APP: variants seen among roughly 807,000 people sequenced by gnomAD.
APP encodes the protein amyloid-beta precursor protein.
A neutral mutation model predicts 101.4 loss-of-function variants in APP; 31 were observed. That is an observed-to-expected ratio of 0.31 (90% confidence interval 0.23 to 0.41). The LOEUF is 0.41. Ranked by LOEUF, APP falls within the 10% of genes least tolerant of loss-of-function variation. The pLI is 1.00. For synonymous variants in APP, 366 were observed against 364.4 expected (o/e 1.00, Z -0.05); for missense variants, 839 against 1,003.7 (o/e 0.84, Z 2.22).
At chr21:26,015,657 C>A (rs2830004) in intron 6 of APP, among the ~76,000 whole-genome samples, 28,470 of 152,030 alleles carry the variant, frequency 0.19, 2,955 homozygotes, top group South Asian at 0.27. Flanking sequence ...CATAAAAATT[C>A]TCTCAAACAC....
chr21:26,152,314 A>G (rs2063295019), intron 1 of APP, among the ~76,000 whole-genome samples: 1 of 148,942 alleles, frequency 6.7e-6, no homozygotes, highest in Non-Finnish European at 1.5e-5. Context: ...AAAATGGGCC[A>G]AGGATCTGAA....
intron 1 of APP, among the ~76,000 whole-genome samples, chr21:26,136,169 A>AAAAGAAAGAAAGAAAGAAAGAAAG (rs138676290): frequency 3.3e-4 from 30 of 92,010 alleles, no homozygotes; most frequent in African/African-American, 1.5e-3. Context: ...GAAAAGAAAG[A>AAAAGAAAGAAAGAAAGAAAGAAAG]AAAGAAAGAA....
intron 17 of APP, among the ~76,000 whole-genome samples, chr21:25,882,283 C>G (rs940712571): frequency 6.6e-6 from 1 of 150,816 alleles, no homozygotes; most frequent in Non-Finnish European, 1.5e-5. Flanking sequence ...CCATTTCTAT[C>G]AAATTTTATG....
chr21:26,003,755 C>T (rs952423147), intron 6 of APP, among the ~76,000 whole-genome samples: 7 of 152,138 alleles, frequency 4.6e-5, no homozygotes, highest in African/African-American at 1.4e-4. Flanking sequence ...AAGAGCTTCT[C>T]GTTATAATTC....
At chr21:25,886,821 C>T (rs928835216) in intron 17 of APP, among the ~76,000 whole-genome samples, 1 of 152,182 alleles carries the variant, frequency 6.6e-6, no homozygotes, top group Non-Finnish European at 1.5e-5. Flanking sequence ...AACCTGACCA[C>T]TCTCTCCAAC....
chr21:26,111,087 T>TAAAAAAAAAAAA (rs576900084), intron 2 of APP, among the ~76,000 whole-genome samples: 1 of 88,480 alleles, frequency 1.1e-5, no homozygotes, highest in Admixed American at 1.2e-4. Context: ...AAAGTTAAGT[T>TAAAAAAAAAAAA]AAAAAAAAAA....
At chr21:26,012,790 G>A (rs775641495) in intron 6 of APP, among the ~76,000 whole-genome samples, 15 of 150,658 alleles carry the variant, frequency 1.0e-4, no homozygotes, top group Non-Finnish European at 1.6e-4. Flanking sequence ...TCTGGCCAAC[G>A]TGGTGAAACC....
At chr21:26,111,074 T>C (rs1383767725) in intron 2 of APP, among the ~76,000 whole-genome samples, 1 of 82,670 alleles carries the variant, frequency 1.2e-5, no homozygotes, top group Non-Finnish European at 2.3e-5. Context: ...ATTTCCAGGA[T>C]ACAAAGTTAA....
intron 11 of APP, among the ~76,000 whole-genome samples, chr21:25,974,152 C>A (rs1262226664): frequency 1.3e-5 from 2 of 152,046 alleles, no homozygotes; most frequent in Non-Finnish European, 2.9e-5. Context: ...AATGCTTCCC[C>A]ACAGAGAATA....
In APP at chr21:25,880,807, T is replaced by G. The variant is rs201611727; in HGVS notation, c.*863A>C. ...TTCAAAGAAAAGTCTTGCCCGGGGT[T>G]ATTTTATTTAATTTATTTATGTAAT... On this transcript the variant is annotated 3_prime_UTR_variant, in exon 18 of 18. Transcript: ENST00000346798. The G allele has an allele frequency of 6.6e-6, 1 of 152,442 alleles. No individual in the cohort carries two copies. Among genetic ancestry groups the G allele is most frequent in the Non-Finnish European group, 1.5e-5 (1 of 68,046 alleles). 9.4% of individuals were successfully genotyped at this position (152,442 alleles called of 1,614,324 possible).
chr21:26,031,828 C>G (rs542913866), intron 5 of APP, among the ~76,000 whole-genome samples: 1 of 152,296 alleles, frequency 6.6e-6, no homozygotes, highest in African/African-American at 2.4e-5. Context: ...TTCCAGCACG[C>G]TCCCCAAAAT....
chr21:26,166,720 G>A (rs890370176), intron 1 of APP, among the ~76,000 whole-genome samples: 3 of 152,060 alleles, frequency 2.0e-5, no homozygotes. Context: ...TATCCTCCTC[G>A]TTGCCACTGT....
At chr21:26,118,755 T>C (rs1322484559) in intron 1 of APP, among the ~76,000 whole-genome samples, 1 of 152,176 alleles carries the variant, frequency 6.6e-6, no homozygotes, top group Non-Finnish European at 1.5e-5. Flanking sequence ...GTTTTTGCCA[T>C]GTTGCCACTC....
intron 1 of APP, among the ~76,000 whole-genome samples, chr21:26,132,155 G>A (rs747424536): frequency 1.7e-4 from 26 of 152,186 alleles, no homozygotes; most frequent in South Asian, 6.2e-4. Context: ...GTTCAAGGCT[G>A]TAGTTTGCTA....
chr21:25,945,862 T>G, intron 13 of APP: 10 of 454,612 alleles, frequency 2.2e-5, no homozygotes, highest in Middle Eastern at 4.0e-4. Flanking sequence ...ATAATTTTTT[T>G]GTAGAAATGT....
At chr21:26,071,626 C>T (rs189620224) in intron 3 of APP, among the ~76,000 whole-genome samples, 2 of 152,222 alleles carry the variant, frequency 1.3e-5, no homozygotes, top group South Asian at 2.1e-4. Context: ...CTAAAATGTA[C>T]ATGAAAGGAA....
intron 13 of APP, among the ~76,000 whole-genome samples, chr21:25,931,663 A>C (rs2146396209): frequency 6.6e-6 from 1 of 152,306 alleles, no homozygotes. Flanking sequence ...CCCAAGGAAA[A>C]ACAGTGGGCA....
intron 3 of APP, among the ~76,000 whole-genome samples, chr21:26,080,058 A>T (rs1396516345): frequency 6.6e-6 from 1 of 151,494 alleles, no homozygotes; most frequent in Non-Finnish European, 1.5e-5. Flanking sequence ...CGGGAGGCAG[A>T]GGTTGCAGTG....
At chr21:25,935,941 T>TAGGCTG (rs2040347138) in intron 13 of APP, among the ~76,000 whole-genome samples, 1 of 151,878 alleles carries the variant, frequency 6.6e-6, no homozygotes, top group African/African-American at 2.4e-5. Context: ...AAGGCCGAGT[T>TAGGCTG]TAGGCTGCCA....
Sources: gnomAD v4.1 joint callset for allele counts (sites outside exome capture counted in the v4.1 genomes callset) on GRCh38, gnomAD v4.1.1 for gene constraint, MANE v1.5 for transcripts, NCBI Gene and HGNC (gene_info 2026-07-23, HGNC 2026-07-21) for gene names.